Variants in TRERF1 observed in about 807,000 individuals in gnomAD.
TRERF1 encodes the protein transcriptional regulating factor 1.
A neutral mutation model predicts 122.9 loss-of-function variants in TRERF1; 27 were observed. That is an observed-to-expected ratio of 0.22 (90% confidence interval 0.16 to 0.30). TRERF1 has a LOEUF of 0.30. Among genes scored for constraint, TRERF1 ranks in the 10% least tolerant of loss-of-function variants. The pLI is 1.00. For synonymous variants in TRERF1, 636 were observed against 641.7 expected (o/e 0.99, Z 0.13); for missense variants, 1,248 against 1,560.3 (o/e 0.80, Z 3.37).
intron 2 of TRERF1, among the ~76,000 whole-genome samples, chr6:42,397,483 C>T (rs1240736745): frequency 1.3e-5 from 2 of 152,166 alleles, no homozygotes; most frequent in Non-Finnish European, 2.9e-5. Context: ...TGGCTTTCAC[C>T]TGCCTGACAA....
chr6:42,378,535 G>A (rs1775315706), intron 2 of TRERF1, among the ~76,000 whole-genome samples: 1 of 152,168 alleles, frequency 6.6e-6, no homozygotes, highest in Non-Finnish European at 1.5e-5. Flanking sequence ...AAAGAGGGCA[G>A]AATTTCAAAT....
intron 4 of TRERF1, among the ~76,000 whole-genome samples, chr6:42,288,156 C>T (rs1033016630): frequency 2.0e-5 from 3 of 152,028 alleles, no homozygotes; most frequent in African/African-American, 7.2e-5. Flanking sequence ...ATACCAGGTA[C>T]AGTAGATGTA....
In TRERF1 at chr6:42,246,597, A is replaced by C. The variant is rs1180017156; in HGVS notation, c.2657-53T>G. 4.5e-6 allele frequency: 6 copies of C among 1,327,394 alleles called. No homozygotes were observed. In the Admixed American group the frequency reaches 1.3e-4, roughly 29 times the overall value. 82.2% of individuals were successfully genotyped at this position (1,327,394 alleles called of 1,614,324 possible). On this transcript the variant is annotated intron_variant, in intron 13 of 17. Coordinates refer to ENST00000372922, the Ensembl canonical transcript of TRERF1. ...ACAGCTCACAGTTCCCCCTGCTTTT[A>C]GTTGCTGGTTCATTTAGTTAAGTTA...
At chr6:42,395,324 A>G (rs900899121) in intron 2 of TRERF1, among the ~76,000 whole-genome samples, 6 of 152,242 alleles carry the variant, frequency 3.9e-5, no homozygotes, top group African/African-American at 4.8e-5. Context: ...AGATGGGGGT[A>G]GAGCAGGGCT....
intron 2 of TRERF1, among the ~76,000 whole-genome samples, chr6:42,435,740 C>G (rs182678840): frequency 8.6e-4 from 130 of 151,804 alleles, no homozygotes; most frequent in African/African-American, 3.0e-3. Flanking sequence ...CTTTGGGAAG[C>G]TGAGGCGGGC....
intron 15 of TRERF1, among the ~76,000 whole-genome samples, chr6:42,236,696 C>T (rs896691201): frequency 6.6e-6 from 1 of 152,174 alleles, no homozygotes; most frequent in African/African-American, 2.4e-5. Flanking sequence ...GCAATTTCTA[C>T]ATGCAAGGAT....
chr6:42,414,717 C>T (rs1349607371), intron 2 of TRERF1, among the ~76,000 whole-genome samples: 4 of 152,178 alleles, frequency 2.6e-5, no homozygotes, highest in African/African-American at 7.2e-5. Flanking sequence ...CAATGCACTC[C>T]GTTATCTTCT....
chr6:42,363,021 T>C (rs1312259589), exon 3 of TRERF1: 1 of 153,610 alleles, frequency 6.5e-6, no homozygotes, highest in Non-Finnish European at 1.5e-5. Context: ...AGAGGCTGAA[T>C]CTTTCAGGGT....
chr6:42,243,879 C>CTTTTTTTTT (rs34858601), intron 14 of TRERF1, among the ~76,000 whole-genome samples: 1 of 123,374 alleles, frequency 8.1e-6, no homozygotes, highest in Non-Finnish European at 1.7e-5. Context: ...TGCGCCCAGC[C>CTTTTTTTTT]TTTTTTTTTT....
At chr6:42,299,139 T>TCTATCTATCTATCTATCTATCTATCTAC (rs1561939031) in intron 4 of TRERF1, among the ~76,000 whole-genome samples, 5 of 114,058 alleles carry the variant, frequency 4.4e-5, no homozygotes, top group African/African-American at 1.6e-4. Flanking sequence ...TCTATCTACA[T>TCTATCTATCTATCTATCTATCTATCTAC]ATATATATAT....
intron 13 of TRERF1, among the ~76,000 whole-genome samples, chr6:42,252,645 C>T (rs1004215229): frequency 6.6e-6 from 1 of 152,188 alleles, no homozygotes; most frequent in Non-Finnish European, 1.5e-5. Flanking sequence ...GATTCACTGA[C>T]ACCTGGGAAG....
chr6:42,235,145 C>T (rs1201977086), intron 16 of TRERF1, among the ~76,000 whole-genome samples: 1 of 151,540 alleles, frequency 6.6e-6, no homozygotes, highest in African/African-American at 2.4e-5. Context: ...GCTTTAGGAT[C>T]TAAATATTTT....
chr6:42,342,590 G>T (rs1015483646), intron 3 of TRERF1, among the ~76,000 whole-genome samples: 2 of 152,082 alleles, frequency 1.3e-5, no homozygotes, highest in African/African-American at 4.8e-5. Context: ...GAAAAGAAAA[G>T]AAAAGAAAAT....
At chr6:42,246,719 G>C (rs1355861338) in intron 13 of TRERF1, among the ~76,000 whole-genome samples, 175 bp from the exon 14 acceptor site, 5 of 152,108 alleles carry the variant, frequency 3.3e-5, no homozygotes, top group Non-Finnish European at 7.4e-5. Flanking sequence ...CTGACACCTG[G>C]GTTCAAGTCC....
chr6:42,435,507 C>T (rs1476358920), intron 2 of TRERF1, among the ~76,000 whole-genome samples: 1 of 150,528 alleles, frequency 6.6e-6, no homozygotes, highest in African/African-American at 2.4e-5. Context: ...GCTGTGATCA[C>T]GCCACTGCAC....
At chr6:42,431,082 A>G (rs1219780858) in intron 2 of TRERF1, among the ~76,000 whole-genome samples, 1 of 151,918 alleles carries the variant, frequency 6.6e-6, no homozygotes, top group Non-Finnish European at 1.5e-5. Flanking sequence ...AAAGAAAAGA[A>G]AAGAGAAGAA....
intron 2 of TRERF1, among the ~76,000 whole-genome samples, chr6:42,420,899 G>C (rs1366292897): frequency 3.3e-5 from 5 of 152,216 alleles, no homozygotes; most frequent in Non-Finnish European, 7.4e-5. Flanking sequence ...GGGCCACCCA[G>C]CCTCTGCCCG....
intron 2 of TRERF1, among the ~76,000 whole-genome samples, chr6:42,403,643 T>C (rs1779740333): frequency 1.3e-5 from 2 of 152,282 alleles, no homozygotes; most frequent in South Asian, 2.1e-4. Flanking sequence ...TAGTACTTTG[T>C]TTCAGCAGCC....
chr6:42,359,147 A>C (rs183808052), intron 3 of TRERF1, among the ~76,000 whole-genome samples: 1 of 152,286 alleles, frequency 6.6e-6, no homozygotes, highest in Non-Finnish European at 1.5e-5. Context: ...TGCTCTCCGC[A>C]CCGTTAATCT....
Sources: gnomAD v4.1 joint callset for allele counts (sites outside exome capture counted in the v4.1 genomes callset) on GRCh38, gnomAD v4.1.1 for gene constraint, MANE v1.5 for transcripts, NCBI Gene and HGNC (gene_info 2026-07-23, HGNC 2026-07-21) for gene names.